The following SH3KBP1 variants were observed in gnomAD, a reference collection of about 807,000 sequenced individuals.
SH3KBP1 encodes the protein SH3 domain containing kinase binding protein 1, also known as SH3 domain-containing kinase-binding protein 1.
Under a neutral mutation model 50.1 loss-of-function variants are expected in SH3KBP1, and 8 were observed. That is an observed-to-expected ratio of 0.16 (90% CI 0.09 to 0.29). The LOEUF is 0.29. SH3KBP1 is among the 10% of genes least tolerant of loss of function. SH3KBP1 has a pLI of 1.00. For synonymous variants in SH3KBP1, 227 were observed against 218.6 expected (o/e 1.04, Z -0.34); for missense variants, 377 against 535.2 (o/e 0.70, Z 2.92).
At chrX:19,725,180 C>T (rs959600247) in intron 3 of SH3KBP1, among the ~76,000 whole-genome samples, 10 of 109,436 alleles carry the variant, frequency 9.1e-5, no homozygotes, top group African/African-American at 2.7e-4. Context: ...CAGCTGAGCA[C>T]GGTGGCTTAC....
chrX:19,783,863 A>C (rs1023258568), intron 2 of SH3KBP1, among the ~76,000 whole-genome samples: 2 of 111,958 alleles, frequency 1.8e-5, no homozygotes, highest in Non-Finnish European at 3.8e-5. Context: ...TTCCAAGTAC[A>C]TCATGCAATC....
At chrX:19,630,498 A>G (rs2061552217) in intron 8 of SH3KBP1, among the ~76,000 whole-genome samples, 1 of 112,222 alleles carries the variant, frequency 8.9e-6, no homozygotes, top group African/African-American at 3.2e-5. Flanking sequence ...ATTTGCAGAA[A>G]ACAACAAGGG....
intron 1 of SH3KBP1, among the ~76,000 whole-genome samples, chrX:19,858,752 G>A (rs192069709): frequency 0.022 from 2,469 of 112,091 alleles, 32 homozygotes; most frequent in South Asian, 0.047. Flanking sequence ...CAGCTCCCAA[G>A]AATTCAACAA....
intron 3 of SH3KBP1, among the ~76,000 whole-genome samples, chrX:19,719,980 C>T (rs1440588163): frequency 9.1e-6 from 1 of 109,901 alleles, no homozygotes; most frequent in Non-Finnish European, 1.9e-5. Context: ...CTCTCTGCCT[C>T]GGTTTTCTCA....
chrX:19,598,942 C>T (rs7886360), intron 9 of SH3KBP1, among the ~76,000 whole-genome samples: 4 of 111,967 alleles, frequency 3.6e-5, no homozygotes, highest in East Asian at 2.8e-4. Context: ...GGGAAAATAG[C>T]GCCAGTAGGT....
At chrX:19,770,497 G>C (rs1324283339) in intron 2 of SH3KBP1, among the ~76,000 whole-genome samples, 1 of 111,881 alleles carries the variant, frequency 8.9e-6, no homozygotes, top group Non-Finnish European at 1.9e-5. Flanking sequence ...GTGTGGCAAT[G>C]AACATACTTG....
intron 2 of SH3KBP1, among the ~76,000 whole-genome samples, chrX:19,832,233 T>C (rs2067916895): frequency 9.0e-6 from 1 of 111,482 alleles, no homozygotes; most frequent in Non-Finnish European, 1.9e-5. Flanking sequence ...CCTGAGCAGG[T>C]GAGCGCAGGG....
intron 1 of SH3KBP1, among the ~76,000 whole-genome samples, chrX:19,874,068 A>AAAAAAATATATAT (rs1491537486): frequency 3.5e-5 from 2 of 57,045 alleles, no homozygotes; most frequent in African/African-American, 3.2e-4. Context: ...AAAAAAAAAA[A>AAAAAAATATATAT]ATATATATAT....
At chrX:19,566,499 A>G (rs1396340164) in intron 13 of SH3KBP1, among the ~76,000 whole-genome samples, 2 of 111,738 alleles carry the variant, frequency 1.8e-5, no homozygotes, top group African/African-American at 3.3e-5. Flanking sequence ...TCCTATTGAC[A>G]TGAGGGAGGT....
At chrX:19,661,928 G>GA (rs2062469333) in intron 6 of SH3KBP1, among the ~76,000 whole-genome samples, 1 of 111,431 alleles carries the variant, frequency 9.0e-6, no homozygotes, top group Non-Finnish European at 1.9e-5. Context: ...CGCCTGGCCA[G>GA]AAAAAATAAA....
chrX:19,815,193 G>T (rs918085689), intron 2 of SH3KBP1, among the ~76,000 whole-genome samples: 2 of 111,644 alleles, frequency 1.8e-5, no homozygotes, highest in African/African-American at 6.5e-5. Context: ...TACTAATGCT[G>T]AGACTCACAA....
At chrX:19,861,564 A>C (rs1011050442) in intron 1 of SH3KBP1, among the ~76,000 whole-genome samples, 1 of 111,703 alleles carries the variant, frequency 9.0e-6, no homozygotes, top group Non-Finnish European at 1.9e-5. Context: ...AAGTGATGAC[A>C]CCAGCCACTT....
chrX:19,549,950 C>T (rs1003603012), intron 14 of SH3KBP1, 24 bp downstream of exon 14: 2 of 1,040,948 alleles, frequency 1.9e-6, no homozygotes, highest in Admixed American at 2.3e-5. Context: ...AGTAAGGGAA[C>T]ATACAGTTTG....
At chrX:19,721,705 T>G (rs946006693) in intron 3 of SH3KBP1, among the ~76,000 whole-genome samples, 6 of 111,812 alleles carry the variant, frequency 5.4e-5, no homozygotes, top group Non-Finnish European at 9.4e-5. Context: ...GCTTTCAAGA[T>G]TGTAATTTCC....
rs754051955 is a variant in SH3KBP1 at position 19,828,259 on chromosome X, G to GA, written c.162+7865dup. Among the ~76,000 whole-genome samples the GA allele has an allele frequency of 3.9e-3, 428 of 109,036 alleles. 2 individuals are homozygous for GA. Among genetic ancestry groups the GA allele is most frequent in the African/African-American group, 0.014 (411 of 29,084 alleles). The allele number at this position is 109,036 out of a possible 115,157, so 94.7% of individuals were successfully genotyped here. A position where few individuals can be genotyped will look rare whatever the true frequency, so the allele number is the denominator to read the frequency against. ...TTATTTGAACATTCCTTTTTCCACT[G>GA]AGGTTTTTTTTTTTTCCACTGAGTT... On this transcript the variant is annotated intron_variant, in intron 2 of 17. Transcript: ENST00000397821.
At chrX:19,536,491 C>T in intron 17 of SH3KBP1, 33 bp from the exon 18 acceptor site, 1 of 960,389 alleles carries the variant, frequency 1.0e-6, no homozygotes, top group Non-Finnish European at 1.5e-6. Context: ...GGAACAAAGT[C>T]ATAATGAATC....
intron 1 of SH3KBP1, among the ~76,000 whole-genome samples, chrX:19,883,337 C>T (rs1294165934): frequency 3.6e-5 from 4 of 112,577 alleles, no homozygotes; most frequent in African/African-American, 9.7e-5. Context: ...TCCTGTTCTG[C>T]GTCTTTCCCA....
intron 12 of SH3KBP1, among the ~76,000 whole-genome samples, chrX:19,585,831 T>C (rs1456547222): frequency 8.9e-6 from 1 of 111,968 alleles, no homozygotes; most frequent in East Asian, 2.8e-4. Flanking sequence ...TTCGGAGGCA[T>C]GCTGAAGTTT....
intron 6 of SH3KBP1, among the ~76,000 whole-genome samples, chrX:19,668,250 T>C (rs1461702062): frequency 1.8e-5 from 2 of 109,555 alleles, no homozygotes. Flanking sequence ...CTCATGCCTG[T>C]AATCCCAGCA....
Sources: allele counts gnomAD v4.1 joint callset (sites outside exome capture counted in the v4.1 genomes callset), GRCh38; gene constraint gnomAD v4.1.1; transcripts MANE v1.5; gene names NCBI Gene and HGNC (gene_info 2026-07-23, HGNC 2026-07-21).